MAPK14: variants seen among roughly 807,000 people sequenced by gnomAD.
MAPK14 encodes the protein CSAID-binding protein.
In MAPK14, 16 loss-of-function variants were observed where a neutral mutation model predicts 49.6. The observed-to-expected ratio is 0.32, with a 90% CI of 0.22 to 0.49. The LOEUF is 0.49. Ranked by LOEUF, MAPK14 falls within the 20% of genes least tolerant of loss-of-function variation. The pLI is 0.99. For missense variants in MAPK14, 200 were observed against 441.2 expected (o/e 0.45, Z 4.90); for synonymous variants, 142 against 158.0 (o/e 0.90, Z 0.76).
intron 8 of MAPK14, among the ~76,000 whole-genome samples, chr6:36,095,589 C>T (rs554450157): frequency 1.3e-5 from 2 of 152,282 alleles, no homozygotes; most frequent in East Asian, 3.9e-4. Context: ...ATTATCAGTG[C>T]ACTTTGCTGA....
At chr6:36,073,995 G>C in intron 5 of MAPK14, 54 bp from the exon 6 acceptor site, 2 of 1,292,340 alleles carry the variant, frequency 1.5e-6, no homozygotes, top group South Asian at 2.4e-5. Context: ...TGTAGGGGGA[G>C]AATTGATCAT....
intron 10 of MAPK14, among the ~76,000 whole-genome samples, chr6:36,102,910 G>C (rs1765684813): frequency 6.6e-6 from 1 of 152,164 alleles, no homozygotes; most frequent in South Asian, 2.1e-4. Flanking sequence ...AAAGTAATGG[G>C]AATGTTGAGA....
intron 3 of MAPK14, among the ~76,000 whole-genome samples, chr6:36,071,122 C>A (rs1764254550): frequency 6.6e-6 from 1 of 152,018 alleles, no homozygotes; most frequent in African/African-American, 2.4e-5. Flanking sequence ...CACTTGAGAT[C>A]AGGAGTTCGA....
At chr6:36,048,635 T>C (rs1429959067) in intron 1 of MAPK14, among the ~76,000 whole-genome samples, 1 of 152,168 alleles carries the variant, frequency 6.6e-6, no homozygotes, top group African/African-American at 2.4e-5. Flanking sequence ...CCAATAGATT[T>C]GAATGAGGAC....
chr6:36,095,531 C>A (rs568454875), intron 8 of MAPK14, among the ~76,000 whole-genome samples: 102 of 152,300 alleles, frequency 6.7e-4, no homozygotes, highest in Admixed American at 2.0e-3. Context: ...ACTTGTACAT[C>A]CCTAGCTCCT....
intron 8 of MAPK14, chr6:36,091,951 A>G: frequency 3.6e-6 from 1 of 275,666 alleles, no homozygotes; most frequent in Non-Finnish European, 7.2e-6. Flanking sequence ...AAGGCCTGGT[A>G]GTCTCATTTA....
chr6:36,092,648 CT>C, intron 8 of MAPK14: 3 of 383,976 alleles, frequency 7.8e-6, no homozygotes, highest in Non-Finnish European at 1.0e-5. Context: ...TTGGCTCTCC[CT>C]TTTCAAACTA....
intron 9 of MAPK14, among the ~76,000 whole-genome samples, chr6:36,101,472 C>A (rs1408060395): frequency 6.6e-6 from 1 of 150,402 alleles, no homozygotes; most frequent in African/African-American, 2.5e-5. Context: ...AGAAGGTGAA[C>A]TTGCCCAAGC....
chr6:36,092,424 C>T (rs1042773205), intron 8 of MAPK14: 10 of 676,606 alleles, frequency 1.5e-5, no homozygotes, highest in Non-Finnish European at 2.5e-5. Context: ...CAGAACGATA[C>T]ACTCGTAGTG....
intron 1 of MAPK14, among the ~76,000 whole-genome samples, chr6:36,045,034 A>G (rs901598261): frequency 1.3e-5 from 2 of 151,624 alleles, no homozygotes; most frequent in Non-Finnish European, 2.9e-5. Flanking sequence ...CCAGGAGGCT[A>G]AGGTTGGAGG....
At chr6:36,093,646 G>A (rs1277547606) in intron 8 of MAPK14, among the ~76,000 whole-genome samples, 1 of 151,368 alleles carries the variant, frequency 6.6e-6, no homozygotes, top group Non-Finnish European at 1.5e-5. Flanking sequence ...GTGAACCTGG[G>A]AGGTGGAACT....
intron 1 of MAPK14, among the ~76,000 whole-genome samples, chr6:36,034,693 T>C (rs2127394190): frequency 6.6e-6 from 1 of 152,298 alleles, no homozygotes; most frequent in Middle Eastern, 3.4e-3. Context: ...TCAGAGTAGT[T>C]TGTCTTTCAC....
At chr6:36,095,385 G>A (rs16884694) in intron 8 of MAPK14, among the ~76,000 whole-genome samples, 25,536 of 152,234 alleles carry the variant, frequency 0.17, 2,974 homozygotes, top group African/African-American at 0.34. Context: ...CATAGTGCCT[G>A]CTATAGCCAG....
chr6:36,099,179 C>G (rs1402556735), intron 9 of MAPK14, among the ~76,000 whole-genome samples: 1 of 152,186 alleles, frequency 6.6e-6, no homozygotes, highest in Admixed American at 6.5e-5. Flanking sequence ...AAAGATGACA[C>G]TTCACCTGAA....
At chr6:36,104,421 T>C (rs1169653137) in intron 10 of MAPK14, among the ~76,000 whole-genome samples, 24 of 152,094 alleles carry the variant, frequency 1.6e-4, no homozygotes, top group Non-Finnish European at 3.4e-4. Context: ...AGAGTCTCGC[T>C]CTGTCGTCCA....
the MAPK14 span, among the ~76,000 whole-genome samples, chr6:36,123,948 G>A: frequency 6.6e-6 from 1 of 151,806 alleles, no homozygotes; most frequent in Non-Finnish European, 1.5e-5. Context: ...CTGTCATCCC[G>A]AACCCAGAAG....
chr6:36,108,735 G>T lies in MAPK14; in HGVS notation c.*288G>T. 2.3e-6 allele frequency: 1 copy of T among 426,330 alleles called. No individual in the cohort carries two copies. The highest frequency in any genetic ancestry group is 2.7e-5 in the South Asian group (1 of 36,758). The allele number at this position is 426,330 out of a possible 1,614,324, so 26.4% of individuals were successfully genotyped here. ...TTCTTTCTGAGAGTTGGCTCAGGCA[G>T]ACAAGAGCTGCTGTCCTTTTAGGAA... On this transcript the variant is annotated 3_prime_UTR_variant, in exon 12 of 12. Transcript: ENST00000229794.
At chr6:36,100,129 G>C in intron 9 of MAPK14, 1 of 1,249,516 alleles carries the variant, frequency 8.0e-7, no homozygotes, top group South Asian at 1.2e-5. Context: ...TTAAAAACTT[G>C]AGTTGAAAAT....
Position 36,075,838 on chromosome 6 carries a change from T to A in MAPK14, c.496-10T>A. 6.2e-7 allele frequency: 1 copy of A among 1,613,916 alleles called. No individual in the cohort carries two copies. Among genetic ancestry groups the A allele is most frequent in the Non-Finnish European group, 8.5e-7 (1 of 1,180,012 alleles). On this transcript the variant is annotated splice_polypyrimidine_tract_variant and intron_variant, in intron 6 of 11. Transcript: ENST00000229794. ...CTTAGCAGTTTGTCTGTTCCTCTTC[T>A]GCCCTTTAGATTCTGGATTTTGGAC...
Sources: allele counts gnomAD v4.1 joint callset (sites outside exome capture counted in the v4.1 genomes callset), GRCh38; gene constraint gnomAD v4.1.1; transcripts MANE v1.5; gene names NCBI Gene and HGNC (gene_info 2026-07-23, HGNC 2026-07-21).